SLC35A1: variants seen among roughly 807,000 people sequenced by gnomAD.
SLC35A1 encodes the protein CMP-sialic acid transporter.
A neutral mutation model predicts 40.3 loss-of-function variants in SLC35A1; 21 were observed. That is an observed-to-expected ratio of 0.52 (90% CI 0.37 to 0.75). SLC35A1 has a LOEUF of 0.75. Among genes scored for constraint, SLC35A1 ranks in the 30% least tolerant of loss-of-function variants. The pLI, the probability that SLC35A1 is intolerant of heterozygous loss-of-function variation, is 0.00. For synonymous variants in SLC35A1, 146 were observed against 147.3 expected (o/e 0.99, Z 0.06); for missense variants, 297 against 382.1 (o/e 0.78, Z 1.86).
chr6:87,492,293 A>G (rs1311344707), intron 2 of SLC35A1, among the ~76,000 whole-genome samples: 1 of 152,006 alleles, frequency 6.6e-6, no homozygotes, highest in Non-Finnish European at 1.5e-5. Flanking sequence ...CCAGGATTAC[A>G]GTTTGCTTTT....
chr6:87,511,325 C>T, intron 7 of SLC35A1, 74 bp from the exon 8 acceptor site: 2 of 1,546,318 alleles, frequency 1.3e-6, no homozygotes, highest in Non-Finnish European at 1.8e-6. Context: ...TAAGAGTTTT[C>T]AAAATTTTAA....
At chr6:87,495,719 G>A (rs1353856688) in intron 2 of SLC35A1, among the ~76,000 whole-genome samples, 7 of 151,294 alleles carry the variant, frequency 4.6e-5, no homozygotes, top group Middle Eastern at 3.4e-3. Context: ...GCAGTGGTGC[G>A]ATCTTGGCTC....
chr6:87,510,233 T>A (rs1024682505), intron 7 of SLC35A1, among the ~76,000 whole-genome samples: 2 of 152,206 alleles, frequency 1.3e-5, no homozygotes, highest in African/African-American at 2.4e-5. Context: ...CAGGTACTTA[T>A]AGGCTTTCCC....
At chr6:87,507,111 A>G (rs1770110702) in intron 5 of SLC35A1, 1 of 151,946 alleles carries the variant, frequency 6.6e-6, no homozygotes, top group Admixed American at 6.6e-5. Flanking sequence ...TAGTTCCAGC[A>G]GAGATTTAGT....
At position 87,483,494 on chromosome 6, in the gene SLC35A1, C is replaced by T. The variant is rs569153620; in HGVS notation, c.194+5955C>T. ...GTACCCCTATTGGGATTTTTCACCTCTTTTGAGGTTCAACCCCTCGTAATG... is the reference window on the plus strand; with the variant it reads ...GTACCCCTATTGGGATTTTTCACCTTTTTTGAGGTTCAACCCCTCGTAATG... On this transcript the variant is annotated intron_variant, in intron 2 of 7. Coordinates refer to ENST00000369552, the MANE Select transcript of SLC35A1 (RefSeq NM_006416.5). 2.1e-3 allele frequency among the ~76,000 whole-genome samples: 322 copies of T among 152,044 alleles called. 1 individual carries two copies. Among genetic ancestry groups the T allele is most frequent in the African/African-American group, 7.3e-3 (303 of 41,424 alleles).
intron 2 of SLC35A1, among the ~76,000 whole-genome samples, chr6:87,481,821 G>A (rs1305562199): frequency 6.6e-6 from 1 of 152,164 alleles, no homozygotes; most frequent in Non-Finnish European, 1.5e-5. Flanking sequence ...CAGAAAAACT[G>A]GATGATACCC....
At chr6:87,487,391 A>G (rs532095828) in intron 2 of SLC35A1, among the ~76,000 whole-genome samples, 1 of 152,248 alleles carries the variant, frequency 6.6e-6, no homozygotes, top group African/African-American at 2.4e-5. Flanking sequence ...GGACTTCGTG[A>G]TGGGTTTGGA....
chr6:87,492,633 C>T (rs899993648), intron 2 of SLC35A1, among the ~76,000 whole-genome samples: 13 of 150,844 alleles, frequency 8.6e-5, no homozygotes, highest in African/African-American at 2.4e-4. Flanking sequence ...CTGCAACCTC[C>T]GCCTCCTGGG....
Position 87,473,039 on chromosome 6 carries a change from G to A in SLC35A1, c.16+20G>A. 1 of 573,142 alleles carries A rather than the reference G, an allele frequency of 1.7e-6. No homozygotes were observed. Among genetic ancestry groups the A allele is most frequent in the Non-Finnish European group, 2.8e-6 (1 of 360,350 alleles). 35.5% of individuals were successfully genotyped at this position (573,142 alleles called of 1,614,324 possible). ...CGAGAGGTGAGAACTGGGTCTGCTG[G>A]GAGTGGGGAGTCCGCGGGGGGCGGC... On this transcript the variant is annotated intron_variant, in intron 1 of 7. Transcript: ENST00000369552.
intron 7 of SLC35A1, among the ~76,000 whole-genome samples, chr6:87,510,036 T>C (rs1010226780): frequency 1.4e-4 from 21 of 152,232 alleles, no homozygotes; most frequent in African/African-American, 4.6e-4. Flanking sequence ...AAACCATGTA[T>C]AGTCTGTGGC....
rs1770278512 is a variant in SLC35A1 at position 87,511,592 on chromosome 6, A to G, written c.*66A>G. ...TGCATTAAACTAGAGCCTTAAGTCA[A>G]TCTCAGAAGGTAGCATAAACAAATA... On this transcript the variant is annotated 3_prime_UTR_variant, in exon 8 of 8. Coordinates refer to ENST00000369552, the MANE Select transcript of SLC35A1 (RefSeq NM_006416.5). 2 of 1,533,578 alleles carry G rather than the reference A, an allele frequency of 1.3e-6. No homozygotes were observed. The highest frequency in any genetic ancestry group is 2.2e-5 in the South Asian group (2 of 89,158). The allele number at this position is 1,533,578 out of a possible 1,614,324, so 95.0% of individuals were successfully genotyped here.
chr6:87,477,213 C>A, intron 1 of SLC35A1, 149 bp from the exon 2 acceptor site: 1 of 647,846 alleles, frequency 1.5e-6, no homozygotes, highest in Non-Finnish European at 2.7e-6. Context: ...AATTGGCAAA[C>A]ATTGTTTTGA....
chr6:87,503,857 T>G (rs56013896), intron 4 of SLC35A1, among the ~76,000 whole-genome samples: 4,161 of 152,292 alleles, frequency 0.027, 88 homozygotes, highest in Non-Finnish European at 0.044. Context: ...AGTCACACTA[T>G]TTTCCACTGA....
chr6:87,477,360 A>C lies in SLC35A1; in HGVS notation c.17-2A>C, dbSNP rs1342114758. 6.2e-7 allele frequency: 1 copy of C among 1,611,708 alleles called. No homozygotes were observed. The highest frequency in any genetic ancestry group is 8.5e-7 in the Non-Finnish European group (1 of 1,179,412). ...AATGTCTTTGTTGCACGTATTTTCC[A>C]GACAATGTCACTTTATTATTCAAGT... On this transcript the variant is annotated splice_acceptor_variant, in intron 1 of 7. Coordinates refer to ENST00000369552, the MANE Select transcript of SLC35A1 (RefSeq NM_006416.5). LOFTEE classifies it high-confidence loss of function.
intron 4 of SLC35A1, among the ~76,000 whole-genome samples, 179 bp from the exon 5 acceptor site, chr6:87,506,203 C>T (rs1770076216): frequency 6.6e-6 from 1 of 152,066 alleles, no homozygotes; most frequent in Non-Finnish European, 1.5e-5. Context: ...AGCCAAGTGC[C>T]CTGGTTAATT....
At position 87,492,048 on chromosome 6, in the gene SLC35A1, ATTTG is replaced by A. The variant is rs1356140478; in HGVS notation, c.195-8456_195-8453del. ...TGAACATGTATAGAATTTTTTTCTG[ATTTG>A]TTTTAGAGTAAGATTTAGACAAGAT... On this transcript the variant is annotated intron_variant, in intron 2 of 7. Transcript: ENST00000369552. Among the ~76,000 whole-genome samples, 4 of 152,206 alleles carry A rather than the reference ATTTG, an allele frequency of 2.6e-5. No homozygotes were observed. The East Asian group carries it at 5.8e-4, about 22-fold the overall frequency.
chr6:87,496,863 A>G (rs1037101922), intron 2 of SLC35A1, among the ~76,000 whole-genome samples: 12 of 151,914 alleles, frequency 7.9e-5, no homozygotes, highest in African/African-American at 2.9e-4. Context: ...TTTACAATAT[A>G]TTACAGTATA....
intron 1 of SLC35A1, among the ~76,000 whole-genome samples, chr6:87,477,019 C>CA (rs1223010943): frequency 1.3e-5 from 2 of 151,718 alleles, no homozygotes; most frequent in Non-Finnish European, 2.9e-5. Context: ...ACCTTGTCTC[C>CA]AAAAAAACCC....
intron 2 of SLC35A1, among the ~76,000 whole-genome samples, chr6:87,486,817 A>G (rs1467605166): frequency 6.6e-6 from 1 of 152,216 alleles, no homozygotes; most frequent in East Asian, 1.9e-4. Context: ...AGAGGTCATC[A>G]GGGTATCACA....
Sources: gnomAD v4.1 joint callset for allele counts (sites outside exome capture counted in the v4.1 genomes callset) on GRCh38, gnomAD v4.1.1 for gene constraint, MANE v1.5 for transcripts, NCBI Gene and HGNC (gene_info 2026-07-23, HGNC 2026-07-21) for gene names.